The following ARHGAP29 variants were observed in gnomAD, a reference collection of about 807,000 sequenced individuals.
ARHGAP29 encodes Rho GTPase activating protein 29, also known as rho GTPase-activating protein 29.
ARHGAP29 carries 43 observed loss-of-function variants against 122.6 expected under a neutral mutation model. The observed-to-expected ratio is 0.35, with a 90% CI of 0.27 to 0.45. The LOEUF (loss-of-function observed/expected upper bound fraction) is 0.45. ARHGAP29 is among the 20% of genes least tolerant of loss of function. ARHGAP29 has a pLI of 1.00. For missense variants in ARHGAP29, 1,303 were observed against 1,477.2 expected (o/e 0.88, Z 1.93); for synonymous variants, 506 against 497.1 (o/e 1.02, Z -0.24).
At chr1:94,213,373 G>A (rs978446296) in intron 3 of ARHGAP29, among the ~76,000 whole-genome samples, 7 of 152,044 alleles carry the variant, frequency 4.6e-5, no homozygotes, top group South Asian at 2.1e-4. Context: ...TAGTAGAGAC[G>A]GGGTTTCACC....
the ARHGAP29 span, chr1:94,302,631 T>A: frequency 2.3e-6 from 1 of 435,852 alleles, no homozygotes; most frequent in Non-Finnish European, 4.6e-6. Flanking sequence ...CTCCATTACA[T>A]CATCCCTGCA....
Position 94,169,350 on chromosome 1 carries a change from C to G in ARHGAP29, c.*4519G>C, listed in dbSNP as rs995666393. ...ATGTTAGGGATTGGTGTGGTCAGGACCAGCGCTGCTATGACTGCGGATTTA... is the reference window on the plus strand; with the variant it reads ...ATGTTAGGGATTGGTGTGGTCAGGAGCAGCGCTGCTATGACTGCGGATTTA... On this transcript the variant is annotated 3_prime_UTR_variant, in exon 23 of 23. Coordinates refer to ENST00000260526, the MANE Select transcript of ARHGAP29 (RefSeq NM_004815.4). 1.4e-4 allele frequency among the ~76,000 whole-genome samples: 21 copies of G among 152,056 alleles called. No homozygotes were observed. The highest frequency in any genetic ancestry group is 2.6e-4 in the Non-Finnish European group (18 of 68,008).
intron 1 of ARHGAP29, among the ~76,000 whole-genome samples, chr1:94,251,485 CA>C (rs1654091714): frequency 6.6e-6 from 1 of 152,114 alleles, no homozygotes. Context: ...AGAAGAAGTT[CA>C]ATGAAGAATT....
At chr1:94,179,231 C>A (rs1159785978) in intron 20 of ARHGAP29, among the ~76,000 whole-genome samples, 2 of 152,146 alleles carry the variant, frequency 1.3e-5, no homozygotes, top group East Asian at 3.9e-4. Context: ...CTTTCCCTTA[C>A]ACAGATTGGA....
At position 94,170,135 on chromosome 1, in the gene ARHGAP29, A is replaced by G. The variant is rs376537074; in HGVS notation, c.*3734T>C. Among the ~76,000 whole-genome samples the G allele has an allele frequency of 1.3e-5, 2 of 152,328 alleles. No individual in the cohort carries two copies. Among genetic ancestry groups the G allele is most frequent in the South Asian group, 4.1e-4 (2 of 4,828 alleles). On this transcript the variant is annotated 3_prime_UTR_variant, in exon 23 of 23. Coordinates refer to ENST00000260526, the MANE Select transcript of ARHGAP29 (RefSeq NM_004815.4). ...AGAAACAATACATTTACAATCTTTA[A>G]GAATCTCCTCACAAATTACTTCCTA... is the stretch of plus-strand genomic sequence containing the variant.
chr1:94,308,415 A>G, the ARHGAP29 span, among the ~76,000 whole-genome samples: 1 of 152,116 alleles, frequency 6.6e-6, no homozygotes, highest in Non-Finnish European at 1.5e-5. Context: ...TCTGATTACA[A>G]TTTGTTGCAA....
the ARHGAP29 span, among the ~76,000 whole-genome samples, chr1:94,290,871 A>T: frequency 6.6e-6 from 1 of 152,092 alleles, no homozygotes; most frequent in Non-Finnish European, 1.5e-5. Context: ...AATAAGTGTG[A>T]TGTGCTGTGA....
intron 1 of ARHGAP29, among the ~76,000 whole-genome samples, chr1:94,249,690 G>A (rs947902163): frequency 1.3e-5 from 2 of 151,950 alleles, no homozygotes; most frequent in African/African-American, 2.4e-5. Flanking sequence ...GGCAGAGGTT[G>A]TGGTGAGCTG....
intron 1 of ARHGAP29, among the ~76,000 whole-genome samples, chr1:94,236,737 G>C (rs1475591128): frequency 2.0e-5 from 3 of 151,898 alleles, no homozygotes; most frequent in African/African-American, 7.3e-5. Context: ...CAATTGAACT[G>C]GGACAAACCT....
chr1:94,269,250 G>T (rs1654899995), intron 1 of ARHGAP29, among the ~76,000 whole-genome samples: 1 of 152,116 alleles, frequency 6.6e-6, no homozygotes, highest in Admixed American at 6.5e-5. Flanking sequence ...CCCATTATTT[G>T]TCAGGCATTG....
chr1:94,173,019 T>G lies in ARHGAP29; in HGVS notation c.*850A>C, dbSNP rs1034596507. 1 of 152,548 alleles carries G rather than the reference T, an allele frequency of 6.6e-6. No individual in the cohort carries two copies. The highest frequency in any genetic ancestry group is 1.5e-5 in the Non-Finnish European group (1 of 67,992). 9.4% of individuals were successfully genotyped at this position (152,548 alleles called of 1,614,324 possible). A position where few individuals can be genotyped will look rare whatever the true frequency, so the allele number is the denominator to read the frequency against. On this transcript the variant is annotated 3_prime_UTR_variant, in exon 23 of 23. Transcript: ENST00000260526. ...TTAACCCAGACAAATCAAGAGGAAA[T>G]GCACTGAATTCAAAAACTTCTGAAA... is the stretch of plus-strand genomic sequence containing the variant.
chr1:94,312,191 G>C, the ARHGAP29 span, among the ~76,000 whole-genome samples: 583 of 151,818 alleles, frequency 3.8e-3, 6 homozygotes, highest in African/African-American at 0.013. Flanking sequence ...TTCCAGTCAG[G>C]CTTTCCTCCC....
At chr1:94,251,293 C>T (rs186846841) in intron 1 of ARHGAP29, among the ~76,000 whole-genome samples, 66 of 152,058 alleles carry the variant, frequency 4.3e-4, no homozygotes, top group African/African-American at 1.4e-3. Context: ...GCCTCAGCCT[C>T]CCAGTAGCTG....
intron 5 of ARHGAP29, among the ~76,000 whole-genome samples, chr1:94,207,295 A>G (rs1651265386): frequency 6.6e-6 from 1 of 152,154 alleles, no homozygotes; most frequent in Admixed American, 6.5e-5. Context: ...GGTATGAGCC[A>G]CCATGCCCTA....
At chr1:94,235,793 G>T (rs1027562453) in intron 1 of ARHGAP29, among the ~76,000 whole-genome samples, 8 of 152,112 alleles carry the variant, frequency 5.3e-5, no homozygotes, top group Admixed American at 2.0e-4. Flanking sequence ...ATTGTATGTT[G>T]TAAATCTAAG....
At chr1:94,210,844 A>G (rs555067415) in intron 3 of ARHGAP29, among the ~76,000 whole-genome samples, 1 of 151,534 alleles carries the variant, frequency 6.6e-6, no homozygotes, top group Non-Finnish European at 1.5e-5. Flanking sequence ...TCAAGACTGC[A>G]GTTAGTTATA....
intron 2 of ARHGAP29, among the ~76,000 whole-genome samples, chr1:94,227,682 G>C (rs1652685008): frequency 2.0e-5 from 3 of 151,646 alleles, no homozygotes; most frequent in African/African-American, 7.3e-5. Context: ...AAAATGGGGA[G>C]GTATGTCACA....
intron 1 of ARHGAP29, among the ~76,000 whole-genome samples, chr1:94,255,072 G>A (rs1401599750): frequency 2.0e-5 from 3 of 152,206 alleles, no homozygotes; most frequent in African/African-American, 4.8e-5. Context: ...CCACCCCCAC[G>A]CCACCAAATT....
At chr1:94,184,591 T>A (rs1033605718) in intron 18 of ARHGAP29, among the ~76,000 whole-genome samples, 41 of 145,268 alleles carry the variant, frequency 2.8e-4, no homozygotes, top group African/African-American at 9.9e-4. Context: ...AGAAAAAAAT[T>A]TTTTTTTTTT....
Sources: allele counts gnomAD v4.1 joint callset (sites outside exome capture counted in the v4.1 genomes callset), GRCh38; gene constraint gnomAD v4.1.1; transcripts MANE v1.5; gene names NCBI Gene and HGNC (gene_info 2026-07-23, HGNC 2026-07-21).